The following SRC variants were observed in gnomAD, a reference collection of about 807,000 sequenced individuals.
The protein encoded by SRC is proto-oncogene tyrosine-protein kinase Src.
In SRC, 13 loss-of-function variants were observed where a neutral mutation model predicts 62.9. That is an observed-to-expected ratio of 0.21 (90% CI 0.13 to 0.33). The LOEUF is 0.33. SRC is among the 10% of genes least tolerant of loss of function. The probability of loss-of-function intolerance (pLI) is 1.00; values close to 1 mark genes in which losing one functional copy is unlikely to be tolerated. For synonymous variants in SRC, 302 were observed against 317.5 expected, an observed-to-expected ratio of 0.95 and a Z score of 0.52; for missense variants, 457 against 737.3, an observed-to-expected ratio of 0.62 and a Z score of 4.40.
Position 37,384,118 on chromosome 20 carries a change from C to CCT in SRC, c.-4-31_-4-30dup, listed in dbSNP as rs1568634320. On this transcript the variant is annotated intron_variant, in intron 3 of 13. Coordinates refer to ENST00000373578, the MANE Select transcript of SRC (RefSeq NM_198291.3). This position sits in a 1 kb window ranked among gnomAD's most constrained non-coding sequence, Gnocchi z 6.7. ...CGGCCAAGGGGCCCCGGCAGCCCTGCCTGTTCCAGTGTCTTCTCTCTCTCC... is the reference window on the plus strand; with the variant it reads ...CGGCCAAGGGGCCCCGGCAGCCCTGCCTCTGTTCCAGTGTCTTCTCTCTCTCC... The CCT allele has an allele frequency of 1.3e-6, 2 of 1,592,708 alleles. No individual in the cohort carries two copies. Among genetic ancestry groups the CCT allele is most frequent in the Non-Finnish European group, 1.7e-6 (2 of 1,173,934 alleles).
chr20:37,370,648 T>C (rs1448702623), intron 2 of SRC, among the ~76,000 whole-genome samples: 1 of 152,226 alleles, frequency 6.6e-6, no homozygotes, highest in Non-Finnish European at 1.5e-5. Flanking sequence ...TCTTTTCATA[T>C]GTTGCTGGAT....
At chr20:37,357,769 C>T (rs375508131) in intron 1 of SRC, among the ~76,000 whole-genome samples, 13 of 152,278 alleles carry the variant, frequency 8.5e-5, no homozygotes, top group African/African-American at 2.4e-4. Flanking sequence ...AACAGGTGGT[C>T]GAGCAAGGCC....
intron 2 of SRC, among the ~76,000 whole-genome samples, chr20:37,368,530 TTTTTTTTTTTTTTGTTTTTTTTTTTTTTG>T (rs2070106745): frequency 8.3e-6 from 1 of 121,014 alleles, no homozygotes; most frequent in African/African-American, 3.7e-5. Flanking sequence ...TTTTTTTTTT[TTTTTTTTTTTTTTGTTTTTTTTTTTTTTG>T]TTTTTTTTTT....
At chr20:37,349,050 C>T (rs2069763039) in intron 1 of SRC, among the ~76,000 whole-genome samples, 1 of 152,050 alleles carries the variant, frequency 6.6e-6, no homozygotes, top group Non-Finnish European at 1.5e-5. Context: ...GCCTTGTGGG[C>T]CCTGGGGAGG....
At chr20:37,357,588 C>T (rs534924547) in intron 1 of SRC, among the ~76,000 whole-genome samples, 3 of 152,326 alleles carry the variant, frequency 2.0e-5, no homozygotes, top group Admixed American at 6.5e-5. Flanking sequence ...CCCCCGTCCC[C>T]GTGAGACAGG....
At chr20:37,347,597 A>G (rs2069741476) in intron 1 of SRC, among the ~76,000 whole-genome samples, 1 of 152,218 alleles carries the variant, frequency 6.6e-6, no homozygotes, top group Admixed American at 6.5e-5. Flanking sequence ...TGAGAAAGAA[A>G]TAGCCCTGGC....
At chr20:37,345,258 C>T (rs779685535), upstream of SRC, among the ~76,000 whole-genome samples, 33 of 152,092 alleles carry the variant, frequency 2.2e-4, no homozygotes, top group Non-Finnish European at 4.0e-4. Flanking sequence ...GGTGCCCAGC[C>T]CCAAAAGGAT....
At chr20:37,379,894 T>C (rs866277914) in intron 2 of SRC, among the ~76,000 whole-genome samples, 1,030 of 48,416 alleles carry the variant, frequency 0.021, 14 homozygotes, top group African/African-American at 0.13. Context: ...AGACTCCATT[T>C]CAAAAAAAAA....
intron 2 of SRC, among the ~76,000 whole-genome samples, chr20:37,378,528 CT>C (rs2070311009): frequency 6.6e-6 from 1 of 152,158 alleles, no homozygotes; most frequent in Non-Finnish European, 1.5e-5. Flanking sequence ...AGAGGAGATT[CT>C]ACCCTGCCGC....
chr20:37,405,311 TGG>T lies in SRC; in HGVS notation c.*1935_*1936del. The T allele has an allele frequency of 7.8e-6, 1 of 127,518 alleles. No homozygotes were observed. Among genetic ancestry groups the T allele is most frequent in the African/African-American group, 3.3e-5 (1 of 30,698 alleles). The allele number at this position is 127,518 out of a possible 1,614,324, so 7.9% of individuals were successfully genotyped here. The stretch of plus-strand genomic sequence containing the variant: ...GGGACCCCTGGCTCTGGGCCGGGCC[TGG>T]GGCTCCGAAATTCCAAGGCCCAGAC... On this transcript the variant is annotated 3_prime_UTR_variant, in exon 14 of 14. Coordinates refer to ENST00000373578, the MANE Select transcript of SRC (RefSeq NM_198291.3).
chr20:37,402,731 C>A lies in SRC; in HGVS notation c.1271-18C>A, dbSNP rs748993193. 4 of 1,605,308 alleles carry A rather than the reference C, an allele frequency of 2.5e-6. No individual in the cohort carries two copies. In the South Asian group the frequency reaches 4.5e-5, roughly 18 times the overall value. Reference sequence around the variant, plus strand: ...TGACAGGAGGTCAGAGCTGCCCTGACCTTTCTCGTTCCTGCAGGTGCCAAA... The same window carrying A: ...TGACAGGAGGTCAGAGCTGCCCTGAACTTTCTCGTTCCTGCAGGTGCCAAA... On this transcript the variant is annotated intron_variant, in intron 12 of 13. Coordinates refer to ENST00000373578, the MANE Select transcript of SRC (RefSeq NM_198291.3). The surrounding 1 kb of genome is among the most constrained non-coding windows in gnomAD (Gnocchi z 6.2).
chr20:37,345,703 G>A (rs2069705888), upstream of SRC, among the ~76,000 whole-genome samples: 1 of 152,226 alleles, frequency 6.6e-6, no homozygotes, highest in African/African-American at 2.4e-5. Context: ...AAACCCTGAA[G>A]TCGACCTGAG....
chr20:37,378,728 T>C (rs12329503), intron 2 of SRC, among the ~76,000 whole-genome samples: 44,567 of 151,982 alleles, frequency 0.29, 8,767 homozygotes, highest in African/African-American at 0.56. Context: ...GAGGCCCAGT[T>C]GTCTGTGAGG....
chr20:37,359,187 G>A (rs1291819105), intron 1 of SRC, among the ~76,000 whole-genome samples: 2 of 152,244 alleles, frequency 1.3e-5, no homozygotes, highest in South Asian at 2.1e-4. Context: ...ATCTGGGGCC[G>A]AGGGCTGCCA....
intron 5 of SRC, among the ~76,000 whole-genome samples, chr20:37,393,546 C>T (rs2070588252): frequency 6.7e-6 from 1 of 150,096 alleles, no homozygotes; most frequent in African/African-American, 2.4e-5. Context: ...CAAGGCAGCT[C>T]TCGGCATCTT....
At chr20:37,353,224 C>A (rs1600951288) in intron 1 of SRC, among the ~76,000 whole-genome samples, 1 of 152,146 alleles carries the variant, frequency 6.6e-6, no homozygotes, top group Non-Finnish European at 1.5e-5. Flanking sequence ...GACCTCAAAT[C>A]AGGGTCATGC....
chr20:37,401,908 T>C, intron 11 of SRC: 1 of 455,242 alleles, frequency 2.2e-6, no homozygotes, highest in Non-Finnish European at 3.8e-6. Flanking sequence ...ACTGACTTAC[T>C]GTGGGACCTC....
chr20:37,389,737 A>G (rs1354039013), intron 5 of SRC, among the ~76,000 whole-genome samples: 1 of 152,232 alleles, frequency 6.6e-6, no homozygotes, highest in East Asian at 1.9e-4. Context: ...CCCAAGGATT[A>G]GGGCCCCAAA....
In SRC at chr20:37,396,440, C is replaced by G. The variant is rs937492781; in HGVS notation, c.703+129C>G. On this transcript the variant is annotated intron_variant, in intron 8 of 13. Transcript: ENST00000373578. The surrounding 1 kb of genome is among the most constrained non-coding windows in gnomAD (Gnocchi z 6.1). ...CTTCTCTCCCCACTTCCCCCTCCCCCCTCCCTTCCTCTCTCCTCCCTTTTC... is the reference window on the plus strand; with the variant it reads ...CTTCTCTCCCCACTTCCCCCTCCCCGCTCCCTTCCTCTCTCCTCCCTTTTC... 11 of 1,051,162 alleles carry G rather than the reference C, an allele frequency of 1.0e-5. No homozygotes were observed. In the Admixed American group the frequency reaches 1.3e-4, roughly 12 times the overall value. 65.1% of individuals were successfully genotyped at this position (1,051,162 alleles called of 1,614,324 possible).
Sources: allele counts gnomAD v4.1 joint callset (sites outside exome capture counted in the v4.1 genomes callset), GRCh38; gene constraint gnomAD v4.1.1; non-coding constraint Gnocchi (gnomAD v3.1); transcripts MANE v1.5; gene names NCBI Gene and HGNC (gene_info 2026-07-23, HGNC 2026-07-21).